The following NRAP variants were observed in gnomAD, a reference collection of about 807,000 sequenced individuals.
The protein encoded by NRAP is nebulin related anchoring protein.
NRAP carries 189 observed loss-of-function variants against 225.9 expected under a neutral mutation model. The observed-to-expected ratio is 0.84, with a 90% CI of 0.74 to 0.94. NRAP has a LOEUF of 0.94. Ranked by LOEUF, NRAP falls within the 40% of genes least tolerant of loss-of-function variation. NRAP has a pLI of 0.00. For missense variants in NRAP, 2,176 were observed against 2,168.7 expected (o/e 1.00, Z -0.07); for synonymous variants, 769 against 790.7 (o/e 0.97, Z 0.46).
intron 15 of NRAP, 128 bp downstream of exon 15, chr10:113,633,984 T>C (rs1251676718): frequency 2.9e-6 from 2 of 688,926 alleles, no homozygotes; most frequent in Non-Finnish European, 5.2e-6. Context: ...GTGGGGGTCA[T>C]TTTCTGGCTG....
At chr10:113,655,460 T>TTTC in intron 4 of NRAP, among the ~76,000 whole-genome samples, 1 of 150,270 alleles carries the variant, frequency 6.7e-6, no homozygotes, top group East Asian at 1.9e-4. Context: ...CCATTTTTTT[T>TTTC]TTTTTTTTCC....
intron 9 of NRAP, among the ~76,000 whole-genome samples, chr10:113,649,787 C>T (rs1849823729): frequency 6.6e-6 from 1 of 152,132 alleles, no homozygotes; most frequent in Admixed American, 6.6e-5. Flanking sequence ...CTTGGCCAAG[C>T]CACCATATTG....
At chr10:113,636,589 G>C (rs1379687340) in intron 14 of NRAP, among the ~76,000 whole-genome samples, 2 of 152,194 alleles carry the variant, frequency 1.3e-5, no homozygotes, top group Non-Finnish European at 2.9e-5. Flanking sequence ...GGAGATTGTT[G>C]TGATGCAACA....
chr10:113,598,004 C>A lies in NRAP; in HGVS notation c.4297G>T (p.Glu1433Ter). 6.2e-7 allele frequency: 1 copy of A among 1,613,796 alleles called. No homozygotes were observed. The highest frequency in any genetic ancestry group is 8.5e-7 in the Non-Finnish European group (1 of 1,179,912). ...GWLALRSPQM[E>*]SAKKAGELIS... ...AGTTCTCCAGCCTTCTTTGCACTCT[C>A]CATCTGTGGGGATCTCAGCGCCAGC... The change falls in exon 36 of 42, where the codon GAG becomes TAG. Residue 1433 changes from glutamate to a stop codon, truncating the protein, a stop_gained. Transcript: ENST00000359988. LOFTEE classifies it high-confidence loss of function.
At chr10:113,658,077 C>T (rs1396253667) in intron 3 of NRAP, among the ~76,000 whole-genome samples, 1 of 152,038 alleles carries the variant, frequency 6.6e-6, no homozygotes, top group Non-Finnish European at 1.5e-5. Flanking sequence ...ATATAAATAC[C>T]TAATTACTAC....
At chr10:113,634,325 G>A (rs774686956) in intron 14 of NRAP, 115 bp from the exon 15 acceptor site, 14 of 718,612 alleles carry the variant, frequency 1.9e-5, no homozygotes, top group Middle Eastern at 2.4e-4. Flanking sequence ...TAGAAAAAGA[G>A]TCCAATATTC....
At chr10:113,589,920 C>A in intron 40 of NRAP, 123 bp from the exon 41 acceptor site, 2 of 1,134,312 alleles carry the variant, frequency 1.8e-6, no homozygotes, top group Admixed American at 2.5e-5. Flanking sequence ...ATCAGTAAAG[C>A]CAGAACAAGG....
intron 32 of NRAP, among the ~76,000 whole-genome samples, chr10:113,607,399 C>CAAAAAAAAAAAAAAAAAAAAAAAAAA (rs543627940): frequency 2.9e-4 from 20 of 68,600 alleles, no homozygotes; most frequent in Admixed American, 4.0e-4. Context: ...GAAACTCCGT[C>CAAAAAAAAAAAAAAAAAAAAAAAAAA]AAAAAAAAAA....
intron 3 of NRAP, among the ~76,000 whole-genome samples, chr10:113,659,189 G>A (rs552167733): frequency 6.6e-5 from 10 of 152,040 alleles, no homozygotes; most frequent in East Asian, 1.9e-4. Context: ...TTGTTTGTTC[G>A]TTTTTTGTTT....
chr10:113,628,814 A>G, intron 20 of NRAP, 103 bp downstream of exon 20: 1 of 693,502 alleles, frequency 1.4e-6, no homozygotes. Flanking sequence ...AATCACAGCC[A>G]AAATAAATCT....
chr10:113,636,282 C>T (rs1464121308), intron 14 of NRAP, among the ~76,000 whole-genome samples: 2 of 152,210 alleles, frequency 1.3e-5, no homozygotes, highest in Non-Finnish European at 2.9e-5. Flanking sequence ...TGGCTCTGCC[C>T]TCCCCAAGGG....
intron 14 of NRAP, among the ~76,000 whole-genome samples, chr10:113,637,249 C>T (rs1404389616): frequency 6.6e-6 from 1 of 152,152 alleles, no homozygotes; most frequent in East Asian, 1.9e-4. Flanking sequence ...CTTCCCACCA[C>T]CCTATGGTTA....
intron 3 of NRAP, among the ~76,000 whole-genome samples, chr10:113,658,960 A>G (rs3127119): frequency 0.17 from 25,166 of 151,878 alleles, 2,615 homozygotes; most frequent in Admixed American, 0.3. Flanking sequence ...AATTTTAAAC[A>G]TAATAAGAAA....
Position 113,650,536 on chromosome 10 carries a change from T to C in NRAP, c.685A>G (p.Thr229Ala), listed in dbSNP as rs934993165. Residue 229 changes from threonine to alanine, a missense_variant, in exon 8 of 42, where the codon ACA becomes GCA. Physicochemically the swap from Thr to Ala is moderately conservative, Grantham distance 58 (BLOSUM62 0). Around this residue, in one of 3 missense-constraint regions of NRAP, gnomAD observed 1,708 missense variants for 1,695.5 expected, o/e 1.01. Transcript: ENST00000359988. ...GAQLQSDVRYTEDYEQQRGKG... is the reference protein window; with the variant it reads ...GAQLQSDVRYAEDYEQQRGKG... ...CCTCTTTGTTGTTCATAGTCCTCTG[T>C]GTATCTCACCTGAAATGAAAAAACA... 2 of 1,608,998 alleles carry C rather than the reference T, an allele frequency of 1.2e-6. No individual in the cohort carries two copies. The highest frequency in any genetic ancestry group is 1.7e-5 in the Admixed American group (1 of 60,022).
At chr10:113,637,253 A>G (rs1470407345) in intron 14 of NRAP, among the ~76,000 whole-genome samples, 3 of 152,108 alleles carry the variant, frequency 2.0e-5, no homozygotes, top group African/African-American at 7.2e-5. Flanking sequence ...CCACCACCCT[A>G]TGGTTAGGCA....
chr10:113,627,574 C>T (rs1448707198), intron 20 of NRAP, among the ~76,000 whole-genome samples: 1 of 152,192 alleles, frequency 6.6e-6, no homozygotes, highest in Non-Finnish European at 1.5e-5. Context: ...AATGAAAGCC[C>T]TAAAGGGTTA....
At chr10:113,603,953 A>G (rs931799100) in intron 35 of NRAP, among the ~76,000 whole-genome samples, 6 of 152,176 alleles carry the variant, frequency 3.9e-5, no homozygotes, top group African/African-American at 1.2e-4. Context: ...ATGTCTCCAT[A>G]GCATGTACAA....
In NRAP at chr10:113,610,368, A is replaced by T. The variant is rs1484397976; in HGVS notation, c.3603+91T>A. On this transcript the variant is annotated intron_variant, in intron 31 of 41. Transcript: ENST00000359988. ...CCATCTCAAATTAAAAAAAAAAAAA[A>T]AAAAAGGAAGAAAGAAAAAGGAAAG... 3 of 687,932 alleles carry T rather than the reference A, an allele frequency of 4.4e-6. No homozygotes were observed. The African/African-American group carries it at 5.5e-5, about 13-fold the overall frequency. The allele number at this position is 687,932 out of a possible 1,614,324, so 42.6% of individuals were successfully genotyped here.
chr10:113,628,999 G>T lies in NRAP; in HGVS notation c.2063C>A (p.Ala688Glu). 1 of 1,613,682 alleles carries T rather than the reference G, an allele frequency of 6.2e-7. No homozygotes were observed. Among genetic ancestry groups the T allele is most frequent in the South Asian group, 1.1e-5 (1 of 91,048 alleles). ...CAGCCACCCAACTCCCTTCATCCATGCCAGGTCAGCCTTGTACTGCAGCTA... is the reference window on the plus strand; with the variant it reads ...CAGCCACCCAACTCCCTTCATCCATTCCAGGTCAGCCTTGTACTGCAGCTA... ...QSELQYKADL[A>E]WMKGVGWLTE... The change falls in exon 20 of 42, where the codon GCA becomes GAA. Residue 688 changes from alanine (A) to glutamate (E), a missense_variant. Ala to Glu is a moderately radical substitution (Grantham distance 107, BLOSUM62 -1). Around this residue, in one of 3 missense-constraint regions of NRAP, gnomAD observed 1,708 missense variants for 1,695.5 expected, o/e 1.01. Transcript: ENST00000359988.
Sources: gnomAD v4.1 joint callset for allele counts (sites outside exome capture counted in the v4.1 genomes callset) on GRCh38, gnomAD v4.1.1 for gene constraint, gnomAD v4.1.1 regional missense constraint, MANE v1.5 for transcripts, NCBI Gene and HGNC (gene_info 2026-07-23, HGNC 2026-07-21) for gene names.